RYR3: variants seen among roughly 807,000 people sequenced by gnomAD.
The protein encoded by RYR3 is ryanodine receptor 3, also known as brain ryanodine receptor-calcium release channel.
RYR3 carries 207 observed loss-of-function variants against 584.3 expected under a neutral mutation model. The observed-to-expected ratio is 0.35, with a 90% CI of 0.32 to 0.40. The LOEUF (loss-of-function observed/expected upper bound fraction) is 0.40. RYR3 is among the 10% of genes least tolerant of loss of function. The probability of loss-of-function intolerance (pLI) is 1.00; values close to 1 mark genes in which losing one functional copy is unlikely to be tolerated. For synonymous variants in RYR3, 2,416 were observed against 2,248.5 expected (o/e 1.07, Z -2.11); for missense variants, 5,616 against 6,089.2 (o/e 0.92, Z 2.59).
intron 1 of RYR3, among the ~76,000 whole-genome samples, chr15:33,458,283 C>A (rs1481627377): frequency 6.6e-6 from 1 of 152,116 alleles, no homozygotes; most frequent in Non-Finnish European, 1.5e-5. Flanking sequence ...ATCTGAAGGC[C>A]TAGATAGAAC....
chr15:33,633,361 C>G (rs1006045813), intron 24 of RYR3, among the ~76,000 whole-genome samples: 8 of 152,180 alleles, frequency 5.3e-5, no homozygotes, highest in Non-Finnish European at 8.8e-5. Flanking sequence ...GGAAGCTAGC[C>G]CAGCACAGCA....
intron 1 of RYR3, among the ~76,000 whole-genome samples, chr15:33,400,789 A>G (rs752422026): frequency 7.2e-5 from 11 of 152,192 alleles, no homozygotes; most frequent in Non-Finnish European, 1.3e-4. Flanking sequence ...TCTTCCACCA[A>G]CGCATAATCC....
chr15:33,635,562 A>T, intron 25 of RYR3, 52 bp from the exon 26 acceptor site: 1 of 1,396,644 alleles, frequency 7.2e-7, no homozygotes, highest in East Asian at 2.3e-5. Context: ...TTGAAGGTCT[A>T]CGTTCTCTCT....
In RYR3 at chr15:33,652,709, G is replaced by T; in HGVS notation, c.4143-9G>T. 1 of 1,611,748 alleles carries T rather than the reference G, an allele frequency of 6.2e-7. No individual in the cohort carries two copies. Among genetic ancestry groups the T allele is most frequent in the African/African-American group, 1.3e-5 (1 of 74,880 alleles). On this transcript the variant is annotated splice_polypyrimidine_tract_variant and intron_variant, in intron 31 of 103. Coordinates refer to ENST00000634891, the MANE Select transcript of RYR3 (RefSeq NM_001036.6). The stretch of plus-strand genomic sequence containing the variant: ...CAGATTCTGTGCCTTTTCCTGTCTT[G>T]GCTCCTAGTGTGAAACGCAGCAACT...
In RYR3 at chr15:33,813,591, G is replaced by T. The variant is rs1421341355; in HGVS notation, c.10502+12G>T. On this transcript the variant is annotated intron_variant, in intron 74 of 103. Coordinates refer to ENST00000634891, the MANE Select transcript of RYR3 (RefSeq NM_001036.6). ...TACAACCTGCCCAGGCAAGTATTTT[G>T]TCTTTTTTCCTGGCATGTAAGCCAG... 6.2e-7 allele frequency: 1 copy of T among 1,608,718 alleles called. No homozygotes were observed. Among genetic ancestry groups the T allele is most frequent in the African/African-American group, 1.3e-5 (1 of 74,958 alleles).
intron 1 of RYR3, among the ~76,000 whole-genome samples, chr15:33,425,827 A>G (rs560965518): frequency 1.9e-3 from 291 of 151,952 alleles, no homozygotes; most frequent in African/African-American, 6.8e-3. Context: ...TATTTTTAGT[A>G]GAGACGGGGT....
At chr15:33,545,510 A>C (rs1419659282) in intron 8 of RYR3, among the ~76,000 whole-genome samples, 3 of 152,078 alleles carry the variant, frequency 2.0e-5, no homozygotes, top group African/African-American at 7.2e-5. Context: ...AAAAATCATC[A>C]AACAAAATAA....
chr15:33,341,865 C>G (rs1971862133), intron 1 of RYR3, among the ~76,000 whole-genome samples: 1 of 151,828 alleles, frequency 6.6e-6, no homozygotes, highest in Non-Finnish European at 1.5e-5. Context: ...AAAATTAGAG[C>G]TCAAAGAGAT....
At chr15:33,578,774 A>AAC (rs1555536816) in intron 12 of RYR3, among the ~76,000 whole-genome samples, 4 of 140,044 alleles carry the variant, frequency 2.9e-5, no homozygotes, top group Non-Finnish European at 3.0e-5. Flanking sequence ...ATAAAAAAAA[A>AAC]AAAACAACAA....
At position 33,580,031 on chromosome 15, in the gene RYR3, A is replaced by G; in HGVS notation, c.1324A>G (p.Thr442Ala). 2 of 1,612,558 alleles carry G rather than the reference A, an allele frequency of 1.2e-6. No individual in the cohort carries two copies. Among genetic ancestry groups the G allele is most frequent in the Non-Finnish European group, 1.7e-6 (2 of 1,178,842 alleles). Residue 442 changes from threonine to alanine, a missense_variant, in exon 13 of 104, where the codon ACC (threonine) becomes GCC (alanine). Thr to Ala is a moderately conservative substitution (Grantham distance 58, BLOSUM62 0). Transcript: ENST00000634891. ...CCTGCCTATAGAAGAAGTCCTGCAG[A>G]CCCTACAGGACTTGATCGCCTACTT... is the stretch of plus-strand genomic sequence containing the variant. Reference protein sequence around the residue: ...ITLPIEEVLQTLQDLIAYFQP... With the variant: ...ITLPIEEVLQALQDLIAYFQP...
At chr15:33,468,212 T>G (rs2048642417) in intron 1 of RYR3, among the ~76,000 whole-genome samples, 1 of 152,156 alleles carries the variant, frequency 6.6e-6, no homozygotes, top group Non-Finnish European at 1.5e-5. Flanking sequence ...GACAGGATGA[T>G]TGAAAGGATT....
chr15:33,702,712 C>T (rs1333960139), intron 42 of RYR3, among the ~76,000 whole-genome samples: 1 of 151,942 alleles, frequency 6.6e-6, no homozygotes, highest in Non-Finnish European at 1.5e-5. Flanking sequence ...TGAGGTGACT[C>T]CAAGGGCTGG....
At position 33,742,376 on chromosome 15, in the gene RYR3, C is replaced by A; in HGVS notation, c.7831C>A (p.Pro2611Thr). Residue 2611 changes from proline to threonine, a missense_variant, in exon 52 of 104, where the codon CCT becomes ACT. Coordinates refer to ENST00000634891, the MANE Select transcript of RYR3 (RefSeq NM_001036.6). The stretch of plus-strand genomic sequence containing the variant: ...TTCCTCATTTCACAGTTTTTCCTTG[C>A]CTGAAAAATTGGAATACATCGTCAC... ...KPINTMNFSL[P>T]EKLEYIVTKY... 6.2e-7 allele frequency: 1 copy of A among 1,611,254 alleles called. No homozygotes were observed. The highest frequency in any genetic ancestry group is 8.5e-7 in the Non-Finnish European group (1 of 1,177,506).
intron 1 of RYR3, among the ~76,000 whole-genome samples, chr15:33,464,945 T>C (rs576139284): frequency 2.0e-5 from 3 of 152,314 alleles, no homozygotes; most frequent in African/African-American, 7.2e-5. Context: ...ATCTATGAAT[T>C]TGACTATTTA....
At chr15:33,539,621 C>A (rs2055638980) in intron 6 of RYR3, among the ~76,000 whole-genome samples, 159 bp downstream of exon 6, 1 of 151,900 alleles carries the variant, frequency 6.6e-6, no homozygotes, top group African/African-American at 2.4e-5. Context: ...GGATGCTGAC[C>A]CCCTGGCACA....
At chr15:33,355,403 A>G (rs949284491) in intron 1 of RYR3, among the ~76,000 whole-genome samples, 13 of 152,304 alleles carry the variant, frequency 8.5e-5, no homozygotes, top group African/African-American at 2.9e-4. Flanking sequence ...TACCTATAGC[A>G]TCACATAGCA....
intron 17 of RYR3, among the ~76,000 whole-genome samples, chr15:33,602,173 C>T (rs1257174788): frequency 1.3e-5 from 2 of 152,232 alleles, no homozygotes; most frequent in Non-Finnish European, 2.9e-5. Flanking sequence ...AGAATCTTCC[C>T]TCTGAAGTGC....
chr15:33,421,370 A>G (rs184608654), intron 1 of RYR3, among the ~76,000 whole-genome samples: 11 of 152,272 alleles, frequency 7.2e-5, no homozygotes, highest in Admixed American at 6.5e-4. Context: ...ATCAATTTGG[A>G]GTTGTTGTAT....
At chr15:33,742,677 GT>G (rs1415814806) in intron 52 of RYR3, among the ~76,000 whole-genome samples, 1 of 152,198 alleles carries the variant, frequency 6.6e-6, no homozygotes, top group African/African-American at 2.4e-5. Context: ...AATTCTGGAA[GT>G]GTTAACTTCT....
Sources: gnomAD v4.1 joint callset for allele counts (sites outside exome capture counted in the v4.1 genomes callset) on GRCh38, gnomAD v4.1.1 for gene constraint, MANE v1.5 for transcripts, NCBI Gene and HGNC (gene_info 2026-07-23, HGNC 2026-07-21) for gene names.